The following TPCN2 variants were observed in gnomAD, a reference collection of about 807,000 sequenced individuals.
TPCN2 encodes two pore segment channel 2.
In TPCN2, 92 loss-of-function variants were observed where a neutral mutation model predicts 111.4. The ratio of observed to expected loss-of-function variants is 0.83; its 90% CI spans 0.70 to 0.98. The LOEUF (loss-of-function observed/expected upper bound fraction) is 0.98, where lower values mean the gene tolerates loss of function less well. TPCN2 is among the 50% of genes least tolerant of loss of function. The pLI, the probability that TPCN2 is intolerant of heterozygous loss-of-function variation, is 0.00. For missense variants in TPCN2, 995 were observed against 980.1 expected (o/e 1.02, Z -0.20); for synonymous variants, 405 against 414.5 (o/e 0.98, Z 0.28).
At position 69,054,813 on chromosome 11, in the gene TPCN2, T is replaced by G; in HGVS notation, c.251+16T>G. Reference sequence around the variant, plus strand: ...TATGCCAACGGTGAGAACGCACCCATGTGGAACTCAGGGTTCCTGCCGGCT... The same window carrying G: ...TATGCCAACGGTGAGAACGCACCCAGGTGGAACTCAGGGTTCCTGCCGGCT... On this transcript the variant is annotated intron_variant, in intron 3 of 24. Transcript: ENST00000294309. 2 of 1,611,792 alleles carry G rather than the reference T, an allele frequency of 1.2e-6. No individual in the cohort carries two copies. Among genetic ancestry groups the G allele is most frequent in the Non-Finnish European group, 1.7e-6 (2 of 1,178,212 alleles).
chr11:69,062,066 C>T (rs11228468), intron 5 of TPCN2, among the ~76,000 whole-genome samples: 70,173 of 151,770 alleles, frequency 0.46, 16,622 homozygotes, highest in Non-Finnish European at 0.52. Flanking sequence ...ATGGTGCTGG[C>T]GTCTGCTTCT....
At chr11:69,085,984 C>G in intron 22 of TPCN2, 54 bp downstream of exon 22, 1 of 1,543,610 alleles carries the variant, frequency 6.5e-7, no homozygotes, top group Non-Finnish European at 8.9e-7. Context: ...TGGGGGTTCC[C>G]TCACCTCCGG....
At chr11:69,080,476 G>A (rs1333078938) in intron 17 of TPCN2, among the ~76,000 whole-genome samples, 2 of 152,238 alleles carry the variant, frequency 1.3e-5, no homozygotes, top group Non-Finnish European at 2.9e-5. Flanking sequence ...TGGCACCACA[G>A]GGCTGTCAGC....
intron 7 of TPCN2, 59 bp downstream of exon 7, chr11:69,064,026 G>T: frequency 6.5e-7 from 1 of 1,544,958 alleles, no homozygotes; most frequent in South Asian, 1.1e-5. Flanking sequence ...GACTAACAGA[G>T]GGGGCTGGGC....
At chr11:69,054,392 G>T (rs1037847812) in intron 2 of TPCN2, 2 of 572,238 alleles carry the variant, frequency 3.5e-6, no homozygotes, top group Non-Finnish European at 6.3e-6. Context: ...GCTGCACGGG[G>T]CGTGGGAGGG....
intron 19 of TPCN2, chr11:69,084,598 A>T: frequency 1.7e-5 from 17 of 985,422 alleles, no homozygotes; most frequent in Non-Finnish European, 2.0e-5. Context: ...CGCGCCGTGC[A>T]GAGTGACAGG....
intron 8 of TPCN2, 88 bp from the exon 9 acceptor site, chr11:69,070,342 T>G (rs949192731): frequency 1.8e-6 from 2 of 1,102,488 alleles, no homozygotes; most frequent in African/African-American, 3.1e-5. Flanking sequence ...ACCTCCTTTC[T>G]ATTGCAAAAG....
chr11:69,062,452 G>C (rs1043534602), intron 5 of TPCN2, among the ~76,000 whole-genome samples: 11 of 151,938 alleles, frequency 7.2e-5, no homozygotes, highest in Admixed American at 1.3e-4. Flanking sequence ...TGGAGATGGG[G>C]ACACAAGGGG....
intron 3 of TPCN2, 28 bp from the exon 4 acceptor site, chr11:69,055,147 T>A: frequency 6.2e-7 from 1 of 1,609,078 alleles, no homozygotes; most frequent in Non-Finnish European, 8.5e-7. Context: ...CTGGCTCCTG[T>A]GTTTTCATGT....
At position 69,089,297 on chromosome 11, in the gene TPCN2, AGTT is replaced by A. The variant is rs371609878; in HGVS notation, c.*1347_*1349del. 194 of 152,368 alleles carry A rather than the reference AGTT, an allele frequency of 1.3e-3. No individual in the cohort carries two copies. The highest frequency in any genetic ancestry group is 4.5e-3 in the African/African-American group (186 of 41,582). 9.4% of individuals were successfully genotyped at this position (152,368 alleles called of 1,614,324 possible). A position where few individuals can be genotyped will look rare whatever the true frequency, so the allele number is the denominator to read the frequency against. The stretch of plus-strand genomic sequence containing the variant: ...GGAAACCACCGCAAACTTGGAGAAA[AGTT>A]GTAAGCACAGTAAAGAGAAGCTTCC... On this transcript the variant is annotated 3_prime_UTR_variant, in exon 25 of 25. Transcript: ENST00000294309.
chr11:69,058,986 G>A (rs971877879), intron 5 of TPCN2, among the ~76,000 whole-genome samples: 5 of 152,254 alleles, frequency 3.3e-5, no homozygotes, highest in African/African-American at 1.2e-4. Context: ...TACGTTACAA[G>A]CAAGGAAGAA....
intron 13 of TPCN2, among the ~76,000 whole-genome samples, chr11:69,078,244 T>G (rs1237360184): frequency 6.6e-6 from 1 of 152,044 alleles, no homozygotes; most frequent in Non-Finnish European, 1.5e-5. Flanking sequence ...ACTTACAGCC[T>G]CAGTGGATGT....
chr11:69,067,363 G>A (rs7950657), intron 7 of TPCN2, 140 bp from the exon 8 acceptor site: 228,571 of 761,826 alleles, frequency 0.3, 36,340 homozygotes, highest in South Asian at 0.45. Flanking sequence ...CTGGCCATGA[G>A]CTCAGCCTGC....
intron 7 of TPCN2, among the ~76,000 whole-genome samples, chr11:69,067,206 G>A (rs1179951779): frequency 6.6e-6 from 1 of 152,238 alleles, no homozygotes; most frequent in Non-Finnish European, 1.5e-5. Context: ...GCGAGCAGGC[G>A]AGGTGGCCTG....
At chr11:69,086,450 A>C (rs915024029) in intron 22 of TPCN2, 73 bp from the exon 23 acceptor site, 1 of 1,266,306 alleles carries the variant, frequency 7.9e-7, no homozygotes, top group Non-Finnish European at 1.2e-6. Flanking sequence ...CTGGCCACGC[A>C]GCAGTGGTGT....
chr11:69,056,627 G>T lies in TPCN2; in HGVS notation c.430-951G>T, dbSNP rs575560782. Among the ~76,000 whole-genome samples the T allele has an allele frequency of 2.0e-5, 3 of 152,202 alleles. No individual in the cohort carries two copies. In the East Asian group the frequency reaches 5.8e-4, roughly 29 times the overall value. On this transcript the variant is annotated intron_variant, in intron 4 of 24. Coordinates refer to ENST00000294309, the MANE Select transcript of TPCN2 (RefSeq NM_139075.4). ...TGGCTCACTGCAACCTCCGCCTCCT[G>T]GGTTTAGGTGATTCTCCTGCCTCAG...
At chr11:69,062,140 C>T (rs1855049043) in intron 5 of TPCN2, among the ~76,000 whole-genome samples, 1 of 152,068 alleles carries the variant, frequency 6.6e-6, no homozygotes, top group East Asian at 1.9e-4. Flanking sequence ...TGTCACATGG[C>T]GAGAGAGGCC....
chr11:69,087,674 G>A (rs1203088344), intron 24 of TPCN2, among the ~76,000 whole-genome samples: 3 of 152,112 alleles, frequency 2.0e-5, no homozygotes, highest in African/African-American at 7.2e-5. Flanking sequence ...GGGAAGACGT[G>A]GCCCCTGGGC....
chr11:69,061,188 C>T (rs1457628255), intron 5 of TPCN2, among the ~76,000 whole-genome samples: 2 of 152,254 alleles, frequency 1.3e-5, no homozygotes, highest in South Asian at 2.1e-4. Context: ...GGTGCCATGC[C>T]GGAGAGGAGC....
Sources: allele counts gnomAD v4.1 joint callset (sites outside exome capture counted in the v4.1 genomes callset), GRCh38; gene constraint gnomAD v4.1.1; transcripts MANE v1.5; gene names NCBI Gene and HGNC (gene_info 2026-07-23, HGNC 2026-07-21).